Variants in SLITRK2 observed in about 807,000 individuals in gnomAD.
SLITRK2 encodes SLIT and NTRK-like protein 2.
In SLITRK2, 13 loss-of-function variants were observed where a neutral mutation model predicts 35.4. The ratio of observed to expected loss-of-function variants is 0.37; its 90% CI spans 0.24 to 0.58. SLITRK2 has a LOEUF of 0.58. Among genes scored for constraint, SLITRK2 ranks in the 20% least tolerant of loss-of-function variants. The pLI, the probability that SLITRK2 is intolerant of heterozygous loss-of-function variation, is 0.75. For synonymous variants in SLITRK2, 294 were observed against 264.7 expected (o/e 1.11, Z -1.07); for missense variants, 471 against 634.3 (o/e 0.74, Z 2.76).
rs1556946170 is a variant in SLITRK2 at position 145,827,835 on chromosome X, T to C, written c.*2872T>C. ...TTATCTGCTCAAGCACTTTCGACCA[T>C]ATTTTATTTTAGGATTTTTATTTTT... On this transcript the variant is annotated 3_prime_UTR_variant, in exon 5 of 5. Coordinates refer to ENST00000335565, the MANE Select transcript of SLITRK2 (RefSeq NM_032539.5). The C allele has an allele frequency of 2.5e-6, 3 of 1,211,816 alleles. No individual in the cohort carries two copies. Among genetic ancestry groups the C allele is most frequent in the South Asian group, 3.5e-5 (2 of 56,982 alleles).
In SLITRK2 at chrX:145,824,347, T is replaced by C. The variant is rs2124199208; in HGVS notation, c.1922T>C (p.Val641Ala). Residue 641 changes from valine to alanine, a missense_variant, in exon 5 of 5, where the codon GTC (valine) becomes GCC (alanine). Physicochemically the swap from Val to Ala is moderately conservative, Grantham distance 64. Transcript: ENST00000335565. ...LSVCFGAGLFVFVLKRRKGVP... is the reference protein window; with the variant it reads ...LSVCFGAGLFAFVLKRRKGVP... ...GTCTGTTTTGGGGCTGGTTTATTCG[T>C]CTTTGTCTTGAAACGCCGAAAGGGA... 1 of 1,211,482 alleles carries C rather than the reference T, an allele frequency of 8.3e-7. No homozygotes were observed. The highest frequency in any genetic ancestry group is 1.1e-6 in the Non-Finnish European group (1 of 895,487).
Position 145,829,108 on chromosome X carries a change from C to A in SLITRK2, c.*4145C>A, listed in dbSNP as rs929294508. ...CTTTTATCAATACAATGATAAGACA[C>A]CTTAATCCTGAGAGAGAAAATTAAG... On this transcript the variant is annotated 3_prime_UTR_variant, in exon 5 of 5. Transcript: ENST00000335565. The A allele has an allele frequency of 4.9e-5, 6 of 123,359 alleles. No homozygotes were observed. In the Admixed American group the frequency reaches 5.7e-4, roughly 12 times the overall value. 10.2% of individuals were successfully genotyped at this position (123,359 alleles called of 1,213,427 possible).
Position 145,828,062 on chromosome X carries a change from A to C in SLITRK2, c.*3099A>C. ...TAGCTCTTAATTAGTTGCTTTCACTATTTCCGAATATACCTGTGGCTAAGT... is the reference window on the plus strand; with the variant it reads ...TAGCTCTTAATTAGTTGCTTTCACTCTTTCCGAATATACCTGTGGCTAAGT... On this transcript the variant is annotated 3_prime_UTR_variant, in exon 5 of 5. Transcript: ENST00000335565. 1.9e-6 allele frequency: 2 copies of C among 1,027,201 alleles called. No individual in the cohort carries two copies. Among genetic ancestry groups the C allele is most frequent in the Non-Finnish European group, 2.6e-6 (2 of 768,434 alleles). 84.7% of individuals were successfully genotyped at this position (1,027,201 alleles called of 1,213,427 possible).
chrX:145,817,869 G>A lies in SLITRK2; in HGVS notation c.-950G>A, dbSNP rs371594683. On this transcript the variant is annotated 5_prime_UTR_variant, in exon 1 of 5. Coordinates refer to ENST00000335565, the MANE Select transcript of SLITRK2 (RefSeq NM_032539.5). ...AGCGTTGCCCGTTGGCTAGCTGCTC[G>A]GTGGGGATCTGCCTGCCCTGGGGGC... 9.3e-6 allele frequency: 1 copy of A among 107,366 alleles called. No individual in the cohort carries two copies. Among genetic ancestry groups the A allele is most frequent in the Non-Finnish European group, 1.9e-5 (1 of 51,802 alleles). 8.8% of individuals were successfully genotyped at this position (107,366 alleles called of 1,213,427 possible).
At position 145,828,223 on chromosome X, in the gene SLITRK2, T is replaced by A; in HGVS notation, c.*3260T>A. ...AGCTGGTGAGTAAGGAAATGACCCTTCAATTTCCTCTTCTTTTTCCTCTGA... is the reference window on the plus strand; with the variant it reads ...AGCTGGTGAGTAAGGAAATGACCCTACAATTTCCTCTTCTTTTTCCTCTGA... On this transcript the variant is annotated 3_prime_UTR_variant, in exon 5 of 5. Transcript: ENST00000335565. 3.0e-6 allele frequency: 1 copy of A among 330,097 alleles called. No individual in the cohort carries two copies. Among genetic ancestry groups the A allele is most frequent in the East Asian group, 4.7e-5 (1 of 21,441 alleles). The allele number at this position is 330,097 out of a possible 1,213,427, so 27.2% of individuals were successfully genotyped here.
Position 145,827,690 on chromosome X carries a change from CTATTT to C in SLITRK2, c.*2733_*2737del. ...TGAAATTATTTGAATGTATTCCAGA[CTATTT>C]TATTTAAAATCATCATACATCATAT... On this transcript the variant is annotated 3_prime_UTR_variant, in exon 5 of 5. Coordinates refer to ENST00000335565, the MANE Select transcript of SLITRK2 (RefSeq NM_032539.5). 8.9e-7 allele frequency: 1 copy of C among 1,121,759 alleles called. No homozygotes were observed. The highest frequency in any genetic ancestry group is 1.2e-6 in the Non-Finnish European group (1 of 836,555). The allele number at this position is 1,121,759 out of a possible 1,213,427, so 92.4% of individuals were successfully genotyped here. A position where few individuals can be genotyped will look rare whatever the true frequency, so the allele number is the denominator to read the frequency against.
rs35080558 is a variant in SLITRK2 at position 145,822,378 on chromosome X, C to T, written c.-43-5C>T. The T allele has an allele frequency of 8.8e-7, 1 of 1,138,454 alleles. No individual in the cohort carries two copies. Among genetic ancestry groups the T allele is most frequent in the Non-Finnish European group, 1.2e-6 (1 of 848,663 alleles). 93.8% of individuals were successfully genotyped at this position (1,138,454 alleles called of 1,213,427 possible). A position where few individuals can be genotyped will look rare whatever the true frequency, so the allele number is the denominator to read the frequency against. On this transcript the variant is annotated splice_region_variant and splice_polypyrimidine_tract_variant and intron_variant, in intron 4 of 4. Coordinates refer to ENST00000335565, the MANE Select transcript of SLITRK2 (RefSeq NM_032539.5). ...ACCCGCTTCTTCCCCCTGCCCCCAC[C>T]TAAGGTTTGCCTGTAGGTACCTGAG...
In SLITRK2 at chrX:145,825,467, G is replaced by A. The variant is rs1441583288; in HGVS notation, c.*504G>A. 6.5e-5 allele frequency: 8 copies of A among 123,717 alleles called. No homozygotes were observed. In the Admixed American group the frequency reaches 7.6e-4, roughly 12 times the overall value. 10.2% of individuals were successfully genotyped at this position (123,717 alleles called of 1,213,427 possible). On this transcript the variant is annotated 3_prime_UTR_variant, in exon 5 of 5. Coordinates refer to ENST00000335565, the MANE Select transcript of SLITRK2 (RefSeq NM_032539.5). ...TATGGTATTTCCATCGTCAGTTACC[G>A]AGTATAGCCACTGGGTATCACTACT...
chrX:145,824,778 G>A lies in SLITRK2; in HGVS notation c.2353G>A (p.Ala785Thr), dbSNP rs1556945241. The A allele has an allele frequency of 1.7e-6, 2 of 1,211,352 alleles. No individual in the cohort carries two copies. The highest frequency in any genetic ancestry group is 3.5e-5 in the South Asian group (2 of 56,897). The change falls in exon 5 of 5, where the codon GCC (alanine) becomes ACC (threonine). Residue 785 changes from alanine (A) to threonine (T), a missense_variant. Ala to Thr is a moderately conservative substitution (Grantham distance 58). Coordinates refer to ENST00000335565, the MANE Select transcript of SLITRK2 (RefSeq NM_032539.5). ...TTGTACCTTACCTAAAAGGCAGTTT[G>A]CCCCTTCCTATGAATCTCGACGCCA... ...NFCTLPKRQF[A>T]PSYESRRQNQ...
Position 145,824,090 on chromosome X carries a change from G to A in SLITRK2, c.1665G>A (p.Glu555=), listed in dbSNP as rs782671051. ...EHANSPVIIN[E]VTCESPAKHA... ...CCAATTCCCCTGTCATCATTAATGA[G>A]GTGACTTGCGAATCTCCTGCTAAGC... Residue 555 remains glutamate, a synonymous_variant, in exon 5 of 5, where the codon GAG becomes GAA. Transcript: ENST00000335565. The A allele has an allele frequency of 1.7e-6, 2 of 1,211,063 alleles. No individual in the cohort carries two copies. Among genetic ancestry groups the A allele is most frequent in the Admixed American group, 4.3e-5 (2 of 45,994 alleles).
chrX:145,820,694 C>T (rs1462693940), intron 2 of SLITRK2, 158 bp downstream of exon 2: 4 of 112,096 alleles, frequency 3.6e-5, no homozygotes, highest in Non-Finnish European at 7.5e-5. Flanking sequence ...AGCTGAGGCT[C>T]AGCCTGGCAG....
rs1603136517 is a variant in SLITRK2, at chrX:145,823,145, G to T, written c.720G>T (p.Glu240Asp). The T allele has an allele frequency of 8.3e-7, 1 of 1,211,375 alleles. No individual in the cohort carries two copies. The highest frequency in any genetic ancestry group is 1.1e-6 in the Non-Finnish European group (1 of 895,470). ...ACACCATAACTGTTTTTGTGGGAGA[G>T]ATTGTCTGTGAGACTCCCTTTAGGT... ...WLDTITVFVGEIVCETPFRLH... is the reference protein window; with the variant it reads ...WLDTITVFVGDIVCETPFRLH... The change falls in exon 5 of 5, where the codon GAG (glutamate) becomes GAT (aspartate). Residue 240 changes from glutamate to aspartate, a missense_variant. Coordinates refer to ENST00000335565, the MANE Select transcript of SLITRK2 (RefSeq NM_032539.5).
Position 145,824,919 on chromosome X carries a change from T to C in SLITRK2, c.2494T>C (p.Tyr832His), listed in dbSNP as rs782003648. ...AGCTAAGCCGCAATCAGAACCGGAC[T>C]ACCTCGAAGTTCTGGAAAAACAAAC... is the stretch of plus-strand genomic sequence containing the variant. ...LQAKPQSEPDYLEVLEKQTAI... is the reference protein window; with the variant it reads ...LQAKPQSEPDHLEVLEKQTAI... The change falls in exon 5 of 5, where the codon TAC (tyrosine) becomes CAC (histidine). Residue 832 changes from tyrosine to histidine, a missense_variant. Transcript: ENST00000335565. The C allele has an allele frequency of 1.7e-6, 2 of 1,208,777 alleles. No homozygotes were observed. Among genetic ancestry groups the C allele is most frequent in the Non-Finnish European group, 2.2e-6 (2 of 894,656 alleles).
chrX:145,829,692 G>C lies in SLITRK2; in HGVS notation c.*4729G>C, dbSNP rs2073156759. The C allele has an allele frequency of 8.1e-6, 1 of 123,622 alleles. No individual in the cohort carries two copies. The highest frequency in any genetic ancestry group is 3.2e-5 in the African/African-American group (1 of 30,892). 10.2% of individuals were successfully genotyped at this position (123,622 alleles called of 1,213,427 possible). A position where few individuals can be genotyped will look rare whatever the true frequency, so the allele number is the denominator to read the frequency against. On this transcript the variant is annotated 3_prime_UTR_variant, in exon 5 of 5. Coordinates refer to ENST00000335565, the MANE Select transcript of SLITRK2 (RefSeq NM_032539.5). The stretch of plus-strand genomic sequence containing the variant: ...ATGTTATTATGTAAACGAATTGCAT[G>C]CATGTTGAAATTTTTTAGCAGTACT...
chrX:145,819,914 A>G (rs1226740122), intron 1 of SLITRK2: 1 of 112,228 alleles, frequency 8.9e-6, no homozygotes, highest in Non-Finnish European at 1.9e-5. Flanking sequence ...AAGCTCAAGA[A>G]AATAATGCAC....
Position 145,824,799 on chromosome X carries a change from C to T in SLITRK2, c.2374C>T (p.Arg792Cys), listed in dbSNP as rs148553713. Residue 792 changes from arginine (R) to cysteine (C), a missense_variant, in exon 5 of 5, where the codon CGC (arginine) becomes TGC (cysteine). Arg to Cys is a radical substitution (Grantham distance 180). This residue lies in a region of SLITRK2 where 190 missense variants were observed against 199.3 expected (regional missense o/e 0.95). Coordinates refer to ENST00000335565, the MANE Select transcript of SLITRK2 (RefSeq NM_032539.5). ...RQFAPSYESR[R>C]QNQDRINKTV... ...GTTTGCCCCTTCCTATGAATCTCGA[C>T]GCCAAAACCAAGACAGAATCAATAA... The T allele has an allele frequency of 2.1e-5, 26 of 1,209,349 alleles. No homozygotes were observed. Among genetic ancestry groups the T allele is most frequent in the African/African-American group, 1.8e-4 (10 of 57,004 alleles).
Position 145,829,278 on chromosome X carries a change from A to G in SLITRK2, c.*4315A>G, listed in dbSNP as rs2073152657. Reference sequence around the variant, plus strand: ...ACTTGTGAATTCTTTCATAAAGCAGAAAACCATTTTATAATACAAATAACC... The same window carrying G: ...ACTTGTGAATTCTTTCATAAAGCAGGAAACCATTTTATAATACAAATAACC... On this transcript the variant is annotated 3_prime_UTR_variant, in exon 5 of 5. Coordinates refer to ENST00000335565, the MANE Select transcript of SLITRK2 (RefSeq NM_032539.5). 1 of 123,993 alleles carries G rather than the reference A, an allele frequency of 8.1e-6. No individual in the cohort carries two copies. The highest frequency in any genetic ancestry group is 1.9e-5 in the Non-Finnish European group (1 of 53,472). The allele number at this position is 123,993 out of a possible 1,213,427, so 10.2% of individuals were successfully genotyped here.
intron 2 of SLITRK2, 171 bp from the exon 3 acceptor site, chrX:145,821,177 T>G (rs782411749): frequency 1.1e-4 from 11 of 101,458 alleles, no homozygotes; most frequent in African/African-American, 4.1e-4. Context: ...CTTGGGAATC[T>G]GGGAGAAGAA....
chrX:145,827,983 A>T lies in SLITRK2; in HGVS notation c.*3020A>T. On this transcript the variant is annotated 3_prime_UTR_variant, in exon 5 of 5. Transcript: ENST00000335565. ...TGCAGTCTCCCAGGGCCCTGCCAAG[A>T]ACATATCTGTATGTCTGGCCCTACA... 3.4e-6 allele frequency: 4 copies of T among 1,191,614 alleles called. No individual in the cohort carries two copies. Among genetic ancestry groups the T allele is most frequent in the Non-Finnish European group, 4.5e-6 (4 of 886,947 alleles).
Sources: allele counts gnomAD v4.1 joint callset, GRCh38; gene constraint gnomAD v4.1.1; regional missense constraint gnomAD v4.1.1; transcripts MANE v1.5; gene names NCBI Gene and HGNC (gene_info 2026-07-23, HGNC 2026-07-21).